Variants in SCML1 observed in about 807,000 individuals in gnomAD.
SCML1 encodes the protein Scm polycomb group protein like 1, also known as sex comb on midleg-like protein 1.
For missense variants in SCML1, 137 were observed against 258.1 expected (o/e 0.53, Z 3.22); for synonymous variants, 104 against 103.6 (o/e 1.00, Z -0.02).
intron 4 of SCML1, among the ~76,000 whole-genome samples, chrX:17,746,872 G>T (rs922641515): frequency 8.9e-6 from 1 of 111,867 alleles, no homozygotes; most frequent in East Asian, 2.8e-4. Context: ...TAGCATCTGT[G>T]GGGGGAGGTG....
intron 1 of SCML1, among the ~76,000 whole-genome samples, chrX:17,743,339 A>G (rs1466394319): frequency 8.9e-6 from 1 of 111,770 alleles, no homozygotes; most frequent in Non-Finnish European, 1.9e-5. Flanking sequence ...GCTCTGGTTC[A>G]GAAAGGATAG....
chrX:17,749,537 G>C, intron 5 of SCML1, 33 bp downstream of exon 5: 1 of 909,157 alleles, frequency 1.1e-6, no homozygotes, highest in Non-Finnish European at 1.6e-6. Context: ...TTACAACTGT[G>C]ATAAACCTCT....
At position 17,754,174 on chromosome X, in the gene SCML1, C is replaced by G. The variant is rs1430906235; in HGVS notation, c.*782C>G. Reference sequence around the variant, plus strand: ...CTACACTTTCATTGTTTGCATCTCTCTATGAAGATACGTCTGTCCAAACTT... The same window carrying G: ...CTACACTTTCATTGTTTGCATCTCTGTATGAAGATACGTCTGTCCAAACTT... On this transcript the variant is annotated 3_prime_UTR_variant, in exon 8 of 8. Coordinates refer to ENST00000380041, the MANE Select transcript of SCML1 (RefSeq NM_001037540.3). 1 of 111,534 alleles carries G rather than the reference C, an allele frequency of 9.0e-6. No homozygotes were observed. The highest frequency in any genetic ancestry group is 3.7e-4 in the South Asian group (1 of 2,685). 9.2% of individuals were successfully genotyped at this position (111,534 alleles called of 1,213,427 possible). A position where few individuals can be genotyped will look rare whatever the true frequency, so the allele number is the denominator to read the frequency against.
At chrX:17,744,281 ATTTAG>A (rs1483128937) in intron 2 of SCML1, 62 bp downstream of exon 2, 7 of 922,894 alleles carry the variant, frequency 7.6e-6, no homozygotes, top group Non-Finnish European at 1.1e-5. Context: ...TCTACTCTAA[ATTTAG>A]TTTAATTTTA....
chrX:17,738,392 G>T (rs761547309), intron 1 of SCML1, among the ~76,000 whole-genome samples: 41 of 112,037 alleles, frequency 3.7e-4, no homozygotes, highest in Non-Finnish European at 7.3e-4. Flanking sequence ...CTGGCTTCAG[G>T]TTGACTAAAA....
intron 5 of SCML1, 123 bp from the exon 6 acceptor site, chrX:17,749,771 G>T: frequency 1.5e-6 from 1 of 645,776 alleles, no homozygotes; most frequent in Middle Eastern, 5.2e-4. Context: ...TAATCAAAAG[G>T]GACCATTTAT....
intron 2 of SCML1, chrX:17,744,823 AAGTACTGAACTG>A (rs2066629335): frequency 8.9e-6 from 1 of 112,036 alleles, no homozygotes; most frequent in South Asian, 3.7e-4. Context: ...ATATTTTTAA[AAGTACTGAACTG>A]TAACCCAATT....
At chrX:17,751,676 G>A (rs2066708285) in intron 6 of SCML1, 139 bp from the exon 7 acceptor site, 1 of 611,621 alleles carries the variant, frequency 1.6e-6, no homozygotes, top group South Asian at 3.4e-5. Context: ...TACAGTTGGA[G>A]TCTTGACTCC....
rs769561326 is a variant in SCML1, at chrX:17,753,721, A to G, written c.*329A>G. ...CTTTGATTCTGGTTCATCTCGATAC[A>G]GAGAACCAAAACAGCTAAGAGAGGT... On this transcript the variant is annotated 3_prime_UTR_variant, in exon 8 of 8. Coordinates refer to ENST00000380041, the MANE Select transcript of SCML1 (RefSeq NM_001037540.3). The G allele has an allele frequency of 2.7e-4, 31 of 113,317 alleles. No homozygotes were observed. The South Asian group carries it at 5.2e-3, about 19-fold the overall frequency. 9.3% of individuals were successfully genotyped at this position (113,317 alleles called of 1,213,427 possible).
intron 1 of SCML1, among the ~76,000 whole-genome samples, chrX:17,743,675 G>T (rs115309105): frequency 2.7e-5 from 3 of 111,568 alleles, no homozygotes; most frequent in Non-Finnish European, 5.7e-5. Flanking sequence ...ACATAGTCGG[G>T]GGGGACCCAA....
At chrX:17,744,345 C>G (rs1015429324) in intron 2 of SCML1, 126 bp downstream of exon 2, 14 of 475,995 alleles carry the variant, frequency 2.9e-5, no homozygotes, top group Middle Eastern at 1.2e-3. Flanking sequence ...TATATTTTAA[C>G]AGTAATATAT....
At position 17,753,957 on chromosome X, in the gene SCML1, G is replaced by A. The variant is rs2066738824; in HGVS notation, c.*565G>A. On this transcript the variant is annotated 3_prime_UTR_variant, in exon 8 of 8. Coordinates refer to ENST00000380041, the MANE Select transcript of SCML1 (RefSeq NM_001037540.3). The stretch of plus-strand genomic sequence containing the variant: ...TATGTTTTATTTATTCAGATTTAGA[G>A]TAAAAAATAAGCATATAAACTTTTA... The A allele has an allele frequency of 8.9e-6, 1 of 112,084 alleles. No homozygotes were observed. Among genetic ancestry groups the A allele is most frequent in the Non-Finnish European group, 1.9e-5 (1 of 53,172 alleles). The allele number at this position is 112,084 out of a possible 1,213,427, so 9.2% of individuals were successfully genotyped here.
intron 4 of SCML1, among the ~76,000 whole-genome samples, chrX:17,747,680 C>T (rs1438195553): frequency 1.8e-5 from 2 of 112,054 alleles, no homozygotes; most frequent in African/African-American, 6.5e-5. Context: ...GCCTCCTGTT[C>T]CCACCTGTGT....
intron 6 of SCML1, 119 bp from the exon 7 acceptor site, chrX:17,751,696 A>G: frequency 2.7e-6 from 2 of 750,942 alleles, no homozygotes; most frequent in East Asian, 3.3e-5. Flanking sequence ...CTTGCTAGGA[A>G]CATCACAGAA....
rs2066746576 is a variant in SCML1, at chrX:17,754,785, T to C, written c.*1393T>C. The C allele has an allele frequency of 8.9e-6, 1 of 112,783 alleles. No homozygotes were observed. The highest frequency in any genetic ancestry group is 1.9e-5 in the Non-Finnish European group (1 of 53,300). The allele number at this position is 112,783 out of a possible 1,213,427, so 9.3% of individuals were successfully genotyped here. A position where few individuals can be genotyped will look rare whatever the true frequency, so the allele number is the denominator to read the frequency against. ...TAGAAAGCCAAATGTACTTTAGACA[T>C]GAATGCAACTATTTAAAGAATAGCT... On this transcript the variant is annotated 3_prime_UTR_variant, in exon 8 of 8. Coordinates refer to ENST00000380041, the MANE Select transcript of SCML1 (RefSeq NM_001037540.3).
In SCML1 at chrX:17,753,616, C is replaced by T. The variant is rs1409052265; in HGVS notation, c.*224C>T. 1.1e-5 allele frequency: 2 copies of T among 188,274 alleles called. No homozygotes were observed. The highest frequency in any genetic ancestry group is 9.5e-5 in the East Asian group (1 of 10,579). 15.5% of individuals were successfully genotyped at this position (188,274 alleles called of 1,213,427 possible). ...AGAATAGTCCAATAGAAAATTCATT[C>T]TTTATAGGTCTTTAAAAATTACTTT... is the stretch of plus-strand genomic sequence containing the variant. On this transcript the variant is annotated 3_prime_UTR_variant, in exon 8 of 8. Transcript: ENST00000380041.
intron 1 of SCML1, among the ~76,000 whole-genome samples, chrX:17,741,003 C>G (rs1396623767): frequency 1.8e-5 from 2 of 111,854 alleles, no homozygotes; most frequent in Non-Finnish European, 3.8e-5. Flanking sequence ...AGGGAGTTCT[C>G]TGTTCTCTGG....
intron 4 of SCML1, among the ~76,000 whole-genome samples, chrX:17,748,243 G>A (rs918635309): frequency 6.3e-5 from 7 of 111,732 alleles, no homozygotes; most frequent in African/African-American, 2.0e-4. Context: ...AGTTCCTCTA[G>A]GACAGGCTGG....
chrX:17,753,332 G>A lies in SCML1; in HGVS notation c.930G>A (p.Thr310=), dbSNP rs766928687. The change falls in exon 8 of 8, where the codon ACG becomes ACA. Residue 310 remains threonine, a synonymous_variant. Coordinates refer to ENST00000380041, the MANE Select transcript of SCML1 (RefSeq NM_001037540.3). ...AGCACTTGGGGGTGAAGCTGGGAAC[G>A]GCTGTGAAGCTATGCTACTACATTG... is the stretch of plus-strand genomic sequence containing the variant. ...LLKHLGVKLG[T]AVKLCYYIDR... 9.3e-6 allele frequency: 11 copies of A among 1,180,794 alleles called. No homozygotes were observed. The highest frequency in any genetic ancestry group is 3.0e-5 in the East Asian group (1 of 32,963).
Sources: gnomAD v4.1 joint callset for allele counts (sites outside exome capture counted in the v4.1 genomes callset) on GRCh38, gnomAD v4.1.1 for gene constraint, MANE v1.5 for transcripts, NCBI Gene and HGNC (gene_info 2026-07-23, HGNC 2026-07-21) for gene names.